Variants in ZNF41 observed in about 807,000 individuals in gnomAD.
ZNF41 encodes zinc finger protein 41.
ZNF41 carries 6 observed loss-of-function variants against 9.3 expected under a neutral mutation model. That is an observed-to-expected ratio of 0.65 (90% CI 0.35 to 1.28). ZNF41 has a LOEUF of 1.28. ZNF41 is among the 50% of genes most tolerant of loss of function. The pLI, the probability that ZNF41 is intolerant of heterozygous loss-of-function variation, is 0.03. For synonymous variants in ZNF41, 192 were observed against 207.1 expected, an observed-to-expected ratio of 0.93 and a Z score of 0.63; for missense variants, 523 against 585.8, an observed-to-expected ratio of 0.89 and a Z score of 1.11.
chrX:47,476,570 G>A (rs1299979517), intron 1 of ZNF41, among the ~76,000 whole-genome samples: 2 of 111,155 alleles, frequency 1.8e-5, no homozygotes, highest in Non-Finnish European at 3.8e-5. Context: ...GGAAAAGATG[G>A]TCAACATCAG....
rs200141273 is a variant in ZNF41 at position 47,456,383 on chromosome X, C to T, written c.88G>A (p.Glu30Lys). Reference protein sequence around the residue: ...GSSCEASVSFEDVTVDFSKEE... With the variant: ...GSSCEASVSFKDVTVDFSKEE... Reference sequence around the variant, plus strand: ...TTGCTGAAGTCCACAGTCACGTCCTCAAATGACACTGAAGCCTGTAACGAC... The same window carrying T: ...TTGCTGAAGTCCACAGTCACGTCCTTAAATGACACTGAAGCCTGTAACGAC... The change falls in exon 3 of 5, where the codon GAG (glutamate) becomes AAG (lysine). Residue 30 changes from glutamate (E) to lysine (K), a missense_variant. Physicochemically the swap from Glu to Lys is moderately conservative, Grantham distance 56 (BLOSUM62 1). Coordinates refer to ENST00000684689, the MANE Select transcript of ZNF41 (RefSeq NM_001324144.2). 481 of 1,209,662 alleles carry T rather than the reference C, an allele frequency of 4.0e-4. No homozygotes were observed. The highest frequency in any genetic ancestry group is 6.6e-4 in the Admixed American group (30 of 45,649).
intron 2 of ZNF41, among the ~76,000 whole-genome samples, chrX:47,462,988 CACACAT>C (rs1163869966): frequency 6.5e-5 from 7 of 107,999 alleles, no homozygotes; most frequent in African/African-American, 2.4e-4. Context: ...CACACACACA[CACACAT>C]ACACACACAT....
rs184685998 is a variant in ZNF41 at position 47,467,417 on chromosome X, G to A, written c.65C>T (p.Ser22Leu). 7.5e-4 allele frequency: 887 copies of A among 1,183,106 alleles called. 8 individuals are homozygous for A. In the East Asian group the frequency reaches 0.024, roughly 32 times the overall value. ...GGTCCTCTCCCTCCTCACCTCACAT[G>A]AGCTGCCACGTCCCTCTGCAGCCAG... is the stretch of plus-strand genomic sequence containing the variant. ...PALAAEGRGS[S>L]CEASVSFEDV... Residue 22 changes from serine (S) to leucine (L), a missense_variant, in exon 2 of 5, where the codon TCA (serine) becomes TTA (leucine). Coordinates refer to ENST00000684689, the MANE Select transcript of ZNF41 (RefSeq NM_001324144.2).
In ZNF41 at chrX:47,447,235, T is replaced by C. The variant is rs2056144849; in HGVS notation, c.*195A>G. 2.0e-6 allele frequency: 1 copy of C among 488,385 alleles called. No individual in the cohort carries two copies. The highest frequency in any genetic ancestry group is 3.6e-5 in the East Asian group (1 of 27,624). The allele number at this position is 488,385 out of a possible 1,213,427, so 40.2% of individuals were successfully genotyped here. ...CTCTTCCTATGCATAGAATTGCATA[T>C]ACACTGTGGTGATGCAGGAACTTGT... On this transcript the variant is annotated 3_prime_UTR_variant, in exon 5 of 5. Coordinates refer to ENST00000684689, the MANE Select transcript of ZNF41 (RefSeq NM_001324144.2).
chrX:47,445,803 A>T lies in ZNF41; in HGVS notation c.*1627T>A, dbSNP rs2056095933. 1 of 112,495 alleles carries T rather than the reference A, an allele frequency of 8.9e-6. No homozygotes were observed. The highest frequency in any genetic ancestry group is 9.5e-5 in the Admixed American group (1 of 10,564). The allele number at this position is 112,495 out of a possible 1,213,427, so 9.3% of individuals were successfully genotyped here. Reference sequence around the variant, plus strand: ...TACAACATGACAATGAAAATGAATTATCTACAACTATATGCAACATATGGA... The same window carrying T: ...TACAACATGACAATGAAAATGAATTTTCTACAACTATATGCAACATATGGA... On this transcript the variant is annotated 3_prime_UTR_variant, in exon 5 of 5. Transcript: ENST00000684689.
intron 2 of ZNF41, among the ~76,000 whole-genome samples, chrX:47,461,879 T>C (rs2056808732): frequency 9.4e-6 from 1 of 106,426 alleles, no homozygotes; most frequent in African/African-American, 3.4e-5. Context: ...CAGCTAATTT[T>C]TAAATTTTAT....
chrX:47,447,777 A>C lies in ZNF41; in HGVS notation c.1993T>G (p.Cys665Gly), dbSNP rs1323562775. The change falls in exon 5 of 5, where the codon TGT becomes GGT. Residue 665 changes from cysteine (C) to glycine (G), a missense_variant. By Grantham distance (159) the Cys-to-Gly change is radical (BLOSUM62 -3). Coordinates refer to ENST00000684689, the MANE Select transcript of ZNF41 (RefSeq NM_001324144.2). ...KIHTGEKPNI[C>G]AECGKAFTDR... is the part of the protein sequence containing the mutation. ...GTGAAGGCCTTTCCACATTCAGCAC[A>C]TATATTGGGCTTCTCACCTGTGTGG... The C allele has an allele frequency of 8.3e-7, 1 of 1,211,749 alleles. No homozygotes were observed. The highest frequency in any genetic ancestry group is 1.1e-6 in the Non-Finnish European group (1 of 895,559).
Position 47,467,472 on chromosome X carries a change from T to C in ZNF41, c.10A>G (p.Asn4Asp), listed in dbSNP as rs1194072652. Residue 4 changes from asparagine (N) to aspartate (D), a missense_variant, in exon 2 of 5, where the codon AAT becomes GAT. Coordinates refer to ENST00000684689, the MANE Select transcript of ZNF41 (RefSeq NM_001324144.2). ...GGGGACCATGGGGGAGAGTCCCCAT[T>C]AGCTGCCATGTTCACGCTGGGCCTC... Reference protein sequence around the residue: MAANGDSPPWSPAL... With the variant: MAADGDSPPWSPAL... 8.4e-7 allele frequency: 1 copy of C among 1,184,678 alleles called. No individual in the cohort carries two copies. Among genetic ancestry groups the C allele is most frequent in the East Asian group, 3.1e-5 (1 of 32,785 alleles).
rs183400023 is a variant in ZNF41, at chrX:47,446,987, C to G, written c.*443G>C. Reference sequence around the variant, plus strand: ...GACAATGAAAACTCTTCTCCTCAACCTAGAAATTTGAAAAAGTTTTTCCCA... The same window carrying G: ...GACAATGAAAACTCTTCTCCTCAACGTAGAAATTTGAAAAAGTTTTTCCCA... On this transcript the variant is annotated 3_prime_UTR_variant, in exon 5 of 5. Transcript: ENST00000684689. 1.6e-5 allele frequency: 2 copies of G among 122,529 alleles called. No individual in the cohort carries two copies. Among genetic ancestry groups the G allele is most frequent in the Non-Finnish European group, 3.3e-5 (2 of 59,899 alleles). The allele number at this position is 122,529 out of a possible 1,213,427, so 10.1% of individuals were successfully genotyped here.
In ZNF41 at chrX:47,467,426, C is replaced by T. The variant is rs1439224976; in HGVS notation, c.56G>A (p.Arg19His). ...CCTCCTCACCTCACATGAGCTGCCA[C>T]GTCCCTCTGCAGCCAGGGCCGGGGA... The part of the protein sequence containing the change: ...PWSPALAAEG[R>H]GSSCEASVSF... The change falls in exon 2 of 5, where the codon CGT (arginine) becomes CAT (histidine). Residue 19 changes from arginine to histidine, a missense_variant. Arg to His is a conservative substitution (Grantham distance 29). Coordinates refer to ENST00000684689, the MANE Select transcript of ZNF41 (RefSeq NM_001324144.2). The T allele has an allele frequency of 8.4e-6, 10 of 1,187,161 alleles. No individual in the cohort carries two copies. The highest frequency in any genetic ancestry group is 5.2e-5 in the African/African-American group (3 of 57,560).
chrX:47,456,275 C>G lies in ZNF41; in HGVS notation c.196G>C (p.Val66Leu), dbSNP rs758926902. The part of the protein sequence containing the change: ...TLENYSHLLS[V>L]GYQIPKSEAA... ...TGCATAGGGCGGCCGTGCTTACCCA[C>G]TGAGAGCAGGTGGCTGTAGTTCTCT... The change falls in exon 3 of 5, where the codon GTG (valine) becomes CTG (leucine). Residue 66 changes from valine to leucine, a missense_variant. By Grantham distance (32) the Val-to-Leu change is conservative. Coordinates refer to ENST00000684689, the MANE Select transcript of ZNF41 (RefSeq NM_001324144.2). 6 of 1,209,324 alleles carry G rather than the reference C, an allele frequency of 5.0e-6. No homozygotes were observed. Among genetic ancestry groups the G allele is most frequent in the Non-Finnish European group, 6.7e-6 (6 of 895,122 alleles).
rs2057527946 is a variant in ZNF41, at chrX:47,483,099, C to T, written c.-284G>A. The stretch of plus-strand genomic sequence containing the variant: ...CCCACCGCGTCTGGAGCCCACCTGG[C>T]GGCCCCACTGGCTACATTTCCGACC... On this transcript the variant is annotated 5_prime_UTR_variant, in exon 1 of 5. Transcript: ENST00000684689. Among the ~76,000 whole-genome samples, 1 of 112,545 alleles carries T rather than the reference C, an allele frequency of 8.9e-6. No individual in the cohort carries two copies. The highest frequency in any genetic ancestry group is 3.2e-5 in the African/African-American group (1 of 31,000).
chrX:47,450,664 T>C (rs180865764), intron 4 of ZNF41, among the ~76,000 whole-genome samples: 1 of 112,078 alleles, frequency 8.9e-6, no homozygotes, highest in East Asian at 2.8e-4. Flanking sequence ...GGGCCTTACA[T>C]CCACTGGCCT....
At chrX:47,481,247 G>A (rs2057464955) in intron 1 of ZNF41, among the ~76,000 whole-genome samples, 2 of 111,089 alleles carry the variant, frequency 1.8e-5, no homozygotes, top group Non-Finnish European at 3.8e-5. Context: ...TTCAAGACCA[G>A]CCTGGGCAAC....
rs1364531761 is a variant in ZNF41 at position 47,447,244 on chromosome X, G to T, written c.*186C>A. ...TGCATAGAATTGCATATACACTGTG[G>T]TGATGCAGGAACTTGTCTTTCCAGT... On this transcript the variant is annotated 3_prime_UTR_variant, in exon 5 of 5. Coordinates refer to ENST00000684689, the MANE Select transcript of ZNF41 (RefSeq NM_001324144.2). The T allele has an allele frequency of 3.9e-6, 2 of 512,387 alleles. No homozygotes were observed. The allele number at this position is 512,387 out of a possible 1,213,427, so 42.2% of individuals were successfully genotyped here. A position where few individuals can be genotyped will look rare whatever the true frequency, so the allele number is the denominator to read the frequency against.
intron 2 of ZNF41, among the ~76,000 whole-genome samples, chrX:47,465,423 G>T (rs2056950975): frequency 8.9e-6 from 1 of 112,098 alleles, no homozygotes; most frequent in African/African-American, 3.2e-5. Context: ...GATTTTAAAT[G>T]TTCACATCAC....
intron 4 of ZNF41, among the ~76,000 whole-genome samples, chrX:47,453,039 C>G (rs1438542964): frequency 8.9e-6 from 1 of 112,160 alleles, no homozygotes; most frequent in African/African-American, 3.2e-5. Context: ...ACATACAATT[C>G]TTATGTGTCA....
intron 1 of ZNF41, among the ~76,000 whole-genome samples, chrX:47,475,637 T>C (rs908425347): frequency 9.0e-6 from 1 of 111,700 alleles, no homozygotes; most frequent in Non-Finnish European, 1.9e-5. Context: ...ACAGGCTGTG[T>C]TCTTACACTG....
chrX:47,466,199 A>AG (rs5902391), intron 2 of ZNF41, among the ~76,000 whole-genome samples: 1 of 14,272 alleles, frequency 7.0e-5, no homozygotes, highest in Non-Finnish European at 1.3e-4. Context: ...TAAAATGACC[A>AG]AAAAAAAAAA....
Sources: gnomAD v4.1 joint callset for allele counts (sites outside exome capture counted in the v4.1 genomes callset) on GRCh38, gnomAD v4.1.1 for gene constraint, MANE v1.5 for transcripts, NCBI Gene and HGNC (gene_info 2026-07-23, HGNC 2026-07-21) for gene names.